PLXND1: variants seen among roughly 807,000 people sequenced by gnomAD.
The protein encoded by PLXND1 is plexin D1.
Under a neutral mutation model 197.7 loss-of-function variants are expected in PLXND1, and 54 were observed. The observed-to-expected ratio is 0.27, with a 90% confidence interval of 0.22 to 0.34. PLXND1 has a LOEUF of 0.34. Ranked by LOEUF, PLXND1 falls within the 10% of genes least tolerant of loss-of-function variation. The pLI, the probability that PLXND1 is intolerant of heterozygous loss-of-function variation, is 1.00. For missense variants in PLXND1, 2,127 were observed against 2,699.2 expected (o/e 0.79, Z 4.70); for synonymous variants, 1,180 against 1,161.2 (o/e 1.02, Z -0.33).
intron 8 of PLXND1, among the ~76,000 whole-genome samples, chr3:129,579,595 T>G (rs2085360032): frequency 6.6e-6 from 1 of 152,170 alleles, no homozygotes; most frequent in Non-Finnish European, 1.5e-5. Flanking sequence ...GAATCTGACC[T>G]GCTGGGACCA....
chr3:129,575,066 C>T (rs1415306890), intron 11 of PLXND1, among the ~76,000 whole-genome samples: 1 of 152,168 alleles, frequency 6.6e-6, no homozygotes, highest in Non-Finnish European at 1.5e-5. Context: ...GCCTGAGACT[C>T]CCCATGAACA....
rs182480186 is a variant in PLXND1 at position 129,565,856 on chromosome 3, C to T, written c.4322+31G>A. 1,265 of 1,610,786 alleles carry T rather than the reference C, an allele frequency of 7.9e-4. 20 individuals are homozygous for T. In the Admixed American group the frequency reaches 0.02, roughly 25 times the overall value. On this transcript the variant is annotated intron_variant, in intron 24 of 35. Coordinates refer to ENST00000324093, the MANE Select transcript of PLXND1 (RefSeq NM_015103.3). ...TGTGGCCTTGGACAGGCTCCTCTTCCCTACCCCACCCCAGTCTGTCACAGC... is the reference window on the plus strand; with the variant it reads ...TGTGGCCTTGGACAGGCTCCTCTTCTCTACCCCACCCCAGTCTGTCACAGC...
intron 1 of PLXND1, among the ~76,000 whole-genome samples, chr3:129,595,081 T>G (rs1301074718): frequency 6.6e-6 from 1 of 150,982 alleles, no homozygotes; most frequent in Non-Finnish European, 1.5e-5. Flanking sequence ...GGGCCAGTCC[T>G]CCTGGGCTCC....
chr3:129,593,124 C>G (rs1425959185), intron 1 of PLXND1, among the ~76,000 whole-genome samples: 1 of 152,212 alleles, frequency 6.6e-6, no homozygotes, highest in Admixed American at 6.5e-5. Flanking sequence ...CCATCTTTCT[C>G]TCACACAAAG....
chr3:129,566,710 G>A (rs1277363458), intron 22 of PLXND1, 79 bp from the exon 23 acceptor site: 1 of 856,480 alleles, frequency 1.2e-6, no homozygotes, highest in Non-Finnish European at 1.8e-6. Flanking sequence ...CACAGAAAGG[G>A]GCACTGGCTT....
In PLXND1 at chr3:129,578,390, G is replaced by A; in HGVS notation, c.2285C>T (p.Pro762Leu). ...GTTCTGGGAGCCACCCGTAGGCACG[G>A]GTGCCAGGGGTGAGAGCAGGGTCCG... ...CPRTLLSPLA[P>L]VPTGGSQNIL... is the part of the protein sequence containing the mutation. The change falls in exon 9 of 36, where the codon CCC (proline) becomes CTC (leucine). Residue 762 changes from proline (P) to leucine (L), a missense_variant. Physicochemically the swap from Pro to Leu is moderately conservative, Grantham distance 98 (BLOSUM62 -3). Transcript: ENST00000324093. 1 of 1,605,448 alleles carries A rather than the reference G, an allele frequency of 6.2e-7. No individual in the cohort carries two copies.
At chr3:129,572,421 A>G (rs749315586) in intron 15 of PLXND1, among the ~76,000 whole-genome samples, 188 bp downstream of exon 15, 1 of 152,242 alleles carries the variant, frequency 6.6e-6, no homozygotes, top group Non-Finnish European at 1.5e-5. Context: ...CCCTTCTTCC[A>G]ATTACTGGTA....
At chr3:129,589,839 T>C (rs1463673607) in intron 1 of PLXND1, among the ~76,000 whole-genome samples, 2 of 151,992 alleles carry the variant, frequency 1.3e-5, no homozygotes, top group African/African-American at 2.4e-5. Flanking sequence ...GGGTGAGAGC[T>C]ACACCCGCAC....
chr3:129,603,695 G>A (rs1214925870), intron 1 of PLXND1, among the ~76,000 whole-genome samples: 1 of 152,138 alleles, frequency 6.6e-6, no homozygotes, highest in Non-Finnish European at 1.5e-5. Flanking sequence ...GACCGACCTC[G>A]ACCTTGGGAG....
At chr3:129,600,684 C>T (rs1269924259) in intron 1 of PLXND1, among the ~76,000 whole-genome samples, 1 of 151,678 alleles carries the variant, frequency 6.6e-6, no homozygotes, top group Non-Finnish European at 1.5e-5. Context: ...CTAGAACCCC[C>T]TCTCCTAAAT....
intron 34 of PLXND1, 128 bp downstream of exon 34, chr3:129,556,955 C>A (rs1464085755): frequency 1.9e-6 from 2 of 1,053,524 alleles, no homozygotes; most frequent in Non-Finnish European, 2.8e-6. Context: ...CAGCAAGAGG[C>A]CACAGCCACT....
intron 2 of PLXND1, among the ~76,000 whole-genome samples, chr3:129,587,779 T>C (rs1372553895): frequency 1.3e-5 from 2 of 152,270 alleles, no homozygotes; most frequent in Admixed American, 6.5e-5. Context: ...CATTTGCCTA[T>C]GCTGTGCTCT....
intron 2 of PLXND1, among the ~76,000 whole-genome samples, chr3:129,588,719 G>A (rs1209474071): frequency 6.6e-6 from 1 of 152,264 alleles, no homozygotes; most frequent in African/African-American, 2.4e-5. Flanking sequence ...GGCTGGGTTG[G>A]GGGCAGGTCC....
At chr3:129,595,243 G>A (rs542287034) in intron 1 of PLXND1, among the ~76,000 whole-genome samples, 87 of 152,200 alleles carry the variant, frequency 5.7e-4, no homozygotes, top group Admixed American at 2.0e-4. Flanking sequence ...AGCATGCACT[G>A]CCTCTCAGAA....
At position 129,606,378 on chromosome 3, in the gene PLXND1, T is replaced by C; in HGVS notation, c.262A>G (p.Ser88Gly). ...RLYQLSGANL[S>G]LEAEAAVGPV... ...CCCACGGCCGCCTCGGCCTCCAGGC[T>C]CAGGTTGGCGCCCGACAGCTGATAG... Residue 88 changes from serine to glycine, a missense_variant, in exon 1 of 36, where the codon AGC (serine) becomes GGC (glycine). Around this residue, in one of 6 missense-constraint regions of PLXND1, gnomAD observed 245 missense variants for 267.1 expected, o/e 0.92. Coordinates refer to ENST00000324093, the MANE Select transcript of PLXND1 (RefSeq NM_015103.3). 6.6e-7 allele frequency: 1 copy of C among 1,505,386 alleles called. No individual in the cohort carries two copies. Among genetic ancestry groups the C allele is most frequent in the Non-Finnish European group, 8.8e-7 (1 of 1,135,766 alleles). The allele number at this position is 1,505,386 out of a possible 1,614,324, so 93.3% of individuals were successfully genotyped here.
At chr3:129,562,595 C>T (rs61289266) in intron 27 of PLXND1, 192 bp downstream of exon 27, 58,875 of 503,574 alleles carry the variant, frequency 0.12, 4,324 homozygotes, top group African/African-American at 0.24. Flanking sequence ...TGCTGTTGTC[C>T]GTAGTTCACT....
At chr3:129,581,962 G>C (rs1329810501) in intron 8 of PLXND1, among the ~76,000 whole-genome samples, 1 of 152,256 alleles carries the variant, frequency 6.6e-6, no homozygotes, top group African/African-American at 2.4e-5. Context: ...GGAAGGAAGA[G>C]ACGTGATTGA....
Position 129,570,846 on chromosome 3 carries a change from T to C in PLXND1, c.3690A>G (p.Arg1230=), listed in dbSNP as rs751797156. The C allele has an allele frequency of 1.2e-6, 2 of 1,614,200 alleles. No homozygotes were observed. The highest frequency in any genetic ancestry group is 2.2e-5 in the South Asian group (2 of 91,084). Reference sequence around the variant, plus strand: ...ACTCGTTGACCGAGCAGTGGATGATTCTGTCAGAGACAATCTGGATGTCGC... The same window carrying C: ...ACTCGTTGACCGAGCAGTGGATGATCCTGTCAGAGACAATCTGGATGTCGC... The part of the protein sequence containing the change: ...VSCDIQIVSD[R]IIHCSVNESL... Residue 1230 remains arginine (R), a synonymous_variant, in exon 19 of 36, where the codon AGA becomes AGG. Coordinates refer to ENST00000324093, the MANE Select transcript of PLXND1 (RefSeq NM_015103.3).
chr3:129,563,827 C>T (rs1230938576), intron 25 of PLXND1, among the ~76,000 whole-genome samples: 1 of 152,210 alleles, frequency 6.6e-6, no homozygotes, highest in Non-Finnish European at 1.5e-5. Context: ...AGCAAGGGAC[C>T]CAGGTGTTCC....
Sources: allele counts gnomAD v4.1 joint callset (sites outside exome capture counted in the v4.1 genomes callset), GRCh38; gene constraint gnomAD v4.1.1; regional missense constraint gnomAD v4.1.1; transcripts MANE v1.5; gene names NCBI Gene and HGNC (gene_info 2026-07-23, HGNC 2026-07-21).